The following BLTP3B variants were observed in gnomAD, a reference collection of about 807,000 sequenced individuals.
BLTP3B encodes the protein UHRF1 (ICBP90) binding protein 1-like.
At chr12:100,122,749 C>A in the BLTP3B span, among the ~76,000 whole-genome samples, 1 of 152,154 alleles carries the variant, frequency 6.6e-6, no homozygotes, top group South Asian at 2.1e-4. Flanking sequence ...CATGTCCCAT[C>A]CCTGCTGAAA....
chr12:100,120,510 A>T, the BLTP3B span, among the ~76,000 whole-genome samples: 1 of 152,200 alleles, frequency 6.6e-6, no homozygotes, highest in South Asian at 2.1e-4. Flanking sequence ...CAAATTAAAA[A>T]CCACAGTAAG....
chr12:100,080,348 TC>T, the BLTP3B span, among the ~76,000 whole-genome samples: 2 of 137,576 alleles, frequency 1.5e-5, no homozygotes, highest in African/African-American at 6.2e-5. Context: ...GGAACCCATC[TC>T]TTTTTTTTTT....
the BLTP3B span, among the ~76,000 whole-genome samples, chr12:100,081,589 C>T: frequency 0.055 from 8,362 of 152,250 alleles, 286 homozygotes; most frequent in South Asian, 0.069. Context: ...TCAAGTAAGA[C>T]CCCATGTCTT....
At chr12:100,131,030 A>G in the BLTP3B span, among the ~76,000 whole-genome samples, 6 of 126,260 alleles carry the variant, frequency 4.8e-5, no homozygotes, top group Non-Finnish European at 8.2e-5. Context: ...AGAGAGAGAG[A>G]GAGAAAGAGT....
the BLTP3B span, among the ~76,000 whole-genome samples, chr12:100,107,949 C>A: frequency 2.6e-5 from 4 of 151,728 alleles, no homozygotes; most frequent in Non-Finnish European, 4.4e-5. Flanking sequence ...ATTATGTTAC[C>A]CAGGCTAGTC....
chr12:100,037,322 T>A, the BLTP3B span: 2 of 1,019,798 alleles, frequency 2.0e-6, no homozygotes. Context: ...ATGCCGAAAA[T>A]GAGATATCAA....
the BLTP3B span, among the ~76,000 whole-genome samples, chr12:100,043,890 A>G: frequency 1.3e-5 from 2 of 152,154 alleles, no homozygotes; most frequent in East Asian, 3.9e-4. Flanking sequence ...GATTCCTCCT[A>G]TTTTTGAGGA....
the BLTP3B span, among the ~76,000 whole-genome samples, chr12:100,041,429 C>CTTTTTTT: frequency 2.9e-5 from 3 of 101,812 alleles, no homozygotes; most frequent in African/African-American, 4.7e-5. Flanking sequence ...GCTATTGTTA[C>CTTTTTTT]TTTTTTTTTT....
chr12:100,128,827 G>GAAA, the BLTP3B span: 9 of 920,540 alleles, frequency 9.8e-6, no homozygotes, highest in South Asian at 3.0e-5. Context: ...GTGCCCTTTG[G>GAAA]AAAAAAAAAA....
At chr12:100,054,654 T>C in the BLTP3B span, among the ~76,000 whole-genome samples, 3 of 152,162 alleles carry the variant, frequency 2.0e-5, no homozygotes, top group African/African-American at 7.2e-5. Flanking sequence ...TGACACACAT[T>C]AGTACCTCTT....
chr12:100,117,980 A>G, the BLTP3B span, among the ~76,000 whole-genome samples: 3 of 142,174 alleles, frequency 2.1e-5, no homozygotes, highest in Non-Finnish European at 4.5e-5. Context: ...TGCCTTTTTT[A>G]TACTACTCTT....
chr12:100,133,929 T>G, the BLTP3B span, among the ~76,000 whole-genome samples: 8 of 152,192 alleles, frequency 5.3e-5, no homozygotes, highest in Non-Finnish European at 1.5e-5. Context: ...ATTGTTACAA[T>G]TTTTCTATTA....
chr12:100,095,550 A>T, the BLTP3B span: 1 of 1,119,494 alleles, frequency 8.9e-7, no homozygotes, highest in Non-Finnish European at 1.3e-6. Context: ...GATAAAGAAG[A>T]TTCTTGTACT....
chr12:100,101,028 C>G, the BLTP3B span, among the ~76,000 whole-genome samples: 2 of 152,262 alleles, frequency 1.3e-5, no homozygotes, highest in Admixed American at 1.3e-4. Context: ...AGAACACTAT[C>G]AACTATACTA....
At chr12:100,123,209 C>A in the BLTP3B span, among the ~76,000 whole-genome samples, 1 of 152,124 alleles carries the variant, frequency 6.6e-6, no homozygotes, top group African/African-American at 2.4e-5. Context: ...AACTGAGGAC[C>A]TACTATGTGG....
At chr12:100,071,737 T>C in the BLTP3B span, among the ~76,000 whole-genome samples, 1 of 152,252 alleles carries the variant, frequency 6.6e-6, no homozygotes, top group East Asian at 1.9e-4. Flanking sequence ...TTGCCCAAAG[T>C]ATACATTTAG....
the BLTP3B span, chr12:100,088,843 T>A: frequency 3.2e-6 from 4 of 1,246,802 alleles, no homozygotes; most frequent in East Asian, 2.8e-5. Context: ...CACAACAGAT[T>A]TAATAAACAA....
chr12:100,059,779 T>G, the BLTP3B span: 17 of 1,426,658 alleles, frequency 1.2e-5, no homozygotes, highest in Non-Finnish European at 1.3e-5. Context: ...CAATGTAACA[T>G]ACATATACGC....
chr12:100,067,997 A>T, the BLTP3B span, among the ~76,000 whole-genome samples: 1 of 152,204 alleles, frequency 6.6e-6, no homozygotes, highest in African/African-American at 2.4e-5. Flanking sequence ...TAGAAAAAAA[A>T]TTCAAAATCT....
Sources: gnomAD v4.1 joint callset for allele counts (sites outside exome capture counted in the v4.1 genomes callset) on GRCh38, gnomAD v4.1.1 for gene constraint, MANE v1.5 for transcripts, NCBI Gene and HGNC (gene_info 2026-07-23, HGNC 2026-07-21) for gene names.